KLRD1: variants seen among roughly 807,000 people sequenced by gnomAD.
The protein encoded by KLRD1 is killer cell lectin like receptor D1.
Under a neutral mutation model 22.6 loss-of-function variants are expected in KLRD1, and 21 were observed. The observed-to-expected ratio is 0.93, with a 90% CI of 0.66 to 1.34. KLRD1 has a LOEUF of 1.34. Among genes scored for constraint, KLRD1 ranks in the 40% most tolerant of loss-of-function variants. The pLI is 0.00. For missense variants in KLRD1, 183 were observed against 208.6 expected (o/e 0.88, Z 0.76); for synonymous variants, 59 against 71.1 (o/e 0.83, Z 0.85).
intron 1 of KLRD1, among the ~76,000 whole-genome samples, chr12:10,266,060 T>G (rs539719127): frequency 1.3e-5 from 2 of 152,296 alleles, no homozygotes; most frequent in East Asian, 3.9e-4. Context: ...TTTTGCATGC[T>G]TATGAATAAA....
chr12:10,293,898 A>G (rs1266821041), intron 1 of KLRD1, among the ~76,000 whole-genome samples: 1 of 152,152 alleles, frequency 6.6e-6, no homozygotes, highest in Non-Finnish European at 1.5e-5. Context: ...ATCTATATTC[A>G]TTTGAAAATA....
intron 1 of KLRD1, among the ~76,000 whole-genome samples, chr12:10,258,190 A>C (rs1949417510): frequency 6.6e-6 from 1 of 152,180 alleles, no homozygotes; most frequent in African/African-American, 2.4e-5. Context: ...ATGAGTCCAA[A>C]GGAAACAGAA....
intron 1 of KLRD1, among the ~76,000 whole-genome samples, chr12:10,292,553 T>C (rs548346150): frequency 5.5e-4 from 84 of 152,322 alleles, no homozygotes; most frequent in African/African-American, 1.9e-3. Flanking sequence ...AATCTTTTTT[T>C]CTGAGCACTA....
At position 10,314,975 on chromosome 12, in the gene KLRD1, C is replaced by T; in HGVS notation, c.*182C>T. The T allele has an allele frequency of 2.2e-6, 1 of 464,880 alleles. No individual in the cohort carries two copies. The highest frequency in any genetic ancestry group is 3.7e-6 in the Non-Finnish European group (1 of 271,832). 28.8% of individuals were successfully genotyped at this position (464,880 alleles called of 1,614,324 possible). A position where few individuals can be genotyped will look rare whatever the true frequency, so the allele number is the denominator to read the frequency against. On this transcript the variant is annotated 3_prime_UTR_variant, in exon 6 of 6. Coordinates refer to ENST00000336164, the MANE Select transcript of KLRD1 (RefSeq NM_002262.5). ...TTTTAAAATTGATGAAATTCGTTCACCTACATTTGAGAATTATAAAATTAA... is the reference window on the plus strand; with the variant it reads ...TTTTAAAATTGATGAAATTCGTTCATCTACATTTGAGAATTATAAAATTAA...
chr12:10,324,818 G>GTATATATATATATATATATATATATATA lies in KLRD1; in HGVS notation c.*10050_*10051insATATATATATATATATATATATATATAT, dbSNP rs1555113906. ...AGTATATATGTATATGTGTGTGTGTGTATATATATATATATATATATATAT... is the reference window on the plus strand; with the variant it reads ...AGTATATATGTATATGTGTGTGTGTGTATATATATATATATATATATATATATATATATATATATATATATATATATAT... On this transcript the variant is annotated 3_prime_UTR_variant, in exon 6 of 6. Transcript: ENST00000336164. The GTATATATATATATATATATATATATATA allele has an allele frequency of 2.2e-4, 16 of 74,148 alleles. No individual in the cohort carries two copies. The highest frequency in any genetic ancestry group is 6.8e-4 in the South Asian group (1 of 1,466). 4.6% of individuals were successfully genotyped at this position (74,148 alleles called of 1,614,324 possible).
intron 1 of KLRD1, among the ~76,000 whole-genome samples, chr12:10,277,380 T>C (rs1949601993): frequency 1.3e-5 from 2 of 152,198 alleles, no homozygotes; most frequent in East Asian, 1.9e-4. Context: ...TTTTAATTTT[T>C]ATTATAGGGG....
intron 1 of KLRD1, among the ~76,000 whole-genome samples, chr12:10,239,395 G>C (rs11053696): frequency 0.97 from 140,486 of 144,678 alleles, 68,199 homozygotes; most frequent in East Asian, 1. Flanking sequence ...CAATTTGGCA[G>C]CAGCATTTCC....
At chr12:10,294,696 C>T (rs190010461) in intron 1 of KLRD1, among the ~76,000 whole-genome samples, 113 of 152,244 alleles carry the variant, frequency 7.4e-4, no homozygotes, top group Middle Eastern at 3.4e-3. Flanking sequence ...CCACTGCACC[C>T]GGCCCCCATT....
At chr12:10,308,292 C>T in intron 1 of KLRD1, 2 of 560,828 alleles carry the variant, frequency 3.6e-6, no homozygotes, top group Non-Finnish European at 6.4e-6. Context: ...GTTTTTTCCA[C>T]AGGTTTGAAG....
chr12:10,239,519 CT>C (rs1431157116), intron 1 of KLRD1, among the ~76,000 whole-genome samples: 9 of 7,718 alleles, frequency 1.2e-3, no homozygotes, highest in Admixed American at 5.2e-3. Context: ...CTTCCCTCCC[CT>C]TTCTTTCTTT....
chr12:10,239,284 C>T (rs12316058), intron 1 of KLRD1, among the ~76,000 whole-genome samples: 27,606 of 152,066 alleles, frequency 0.18, 2,865 homozygotes, highest in Non-Finnish European at 0.24. Flanking sequence ...TCTAGGAGCA[C>T]GGGTTCTAAT....
At chr12:10,289,088 A>C (rs1949740142) in intron 1 of KLRD1, among the ~76,000 whole-genome samples, 1 of 152,208 alleles carries the variant, frequency 6.6e-6, no homozygotes, top group Non-Finnish European at 1.5e-5. Flanking sequence ...CCTAAAGGCT[A>C]AGACAGGGGC....
chr12:10,258,129 A>G (rs1949416912), intron 1 of KLRD1, among the ~76,000 whole-genome samples: 1 of 152,138 alleles, frequency 6.6e-6, no homozygotes, highest in Non-Finnish European at 1.5e-5. Context: ...GACCTGGTGA[A>G]TCTAGCTTAG....
chr12:10,278,170 T>G (rs1007617241), intron 1 of KLRD1, among the ~76,000 whole-genome samples: 34 of 152,210 alleles, frequency 2.2e-4, no homozygotes, highest in African/African-American at 7.7e-4. Context: ...TTTGGCAGAT[T>G]AACTACAATG....
Position 10,328,681 on chromosome 12 carries a change from A to G in KLRD1, c.*13888A>G, listed in dbSNP as rs1363277346. On this transcript the variant is annotated 3_prime_UTR_variant, in exon 6 of 6. Coordinates refer to ENST00000336164, the MANE Select transcript of KLRD1 (RefSeq NM_002262.5). Reference sequence around the variant, plus strand: ...TTTATTATTTTCTTTATTCTTCTAAATTTGAACTTTGTTTGTTCTTTTCTA... The same window carrying G: ...TTTATTATTTTCTTTATTCTTCTAAGTTTGAACTTTGTTTGTTCTTTTCTA... 2.6e-5 allele frequency: 4 copies of G among 151,962 alleles called. No homozygotes were observed. The highest frequency in any genetic ancestry group is 5.9e-5 in the Non-Finnish European group (4 of 67,992). The allele number at this position is 151,962 out of a possible 1,614,324, so 9.4% of individuals were successfully genotyped here. A position where few individuals can be genotyped will look rare whatever the true frequency, so the allele number is the denominator to read the frequency against.
upstream of KLRD1, among the ~76,000 whole-genome samples, chr12:10,299,839 C>G (rs1351241425): frequency 6.6e-6 from 1 of 152,162 alleles, no homozygotes; most frequent in East Asian, 1.9e-4. Context: ...TCCTCTAAAG[C>G]CTTGCCGTTG....
chr12:10,283,860 T>G (rs950344757), intron 1 of KLRD1, among the ~76,000 whole-genome samples: 2 of 152,044 alleles, frequency 1.3e-5, no homozygotes, highest in African/African-American at 2.4e-5. Context: ...TTGGGAGAGA[T>G]ACTTCTCATA....
chr12:10,290,830 C>CAT (rs138070991), intron 1 of KLRD1, among the ~76,000 whole-genome samples: 4,397 of 151,518 alleles, frequency 0.029, 196 homozygotes, highest in African/African-American at 0.099. Flanking sequence ...CATAAAATGA[C>CAT]ATATATATAT....
intron 1 of KLRD1, among the ~76,000 whole-genome samples, chr12:10,287,308 A>G (rs575353453): frequency 6.6e-6 from 1 of 152,328 alleles, no homozygotes; most frequent in East Asian, 1.9e-4. Context: ...AGATTGGTAT[A>G]GTCAATAAGT....
Sources: gnomAD v4.1 joint callset for allele counts (sites outside exome capture counted in the v4.1 genomes callset) on GRCh38, gnomAD v4.1.1 for gene constraint, MANE v1.5 for transcripts, NCBI Gene and HGNC (gene_info 2026-07-23, HGNC 2026-07-21) for gene names.